The following TANC2 variants were observed in gnomAD, a reference collection of about 807,000 sequenced individuals.
TANC2 encodes tetratricopeptide repeat, ankyrin repeat and coiled-coil containing 2.
A neutral mutation model predicts 210.5 loss-of-function variants in TANC2; 26 were observed. That is an observed-to-expected ratio of 0.12 (90% CI 0.09 to 0.17). TANC2 has a LOEUF of 0.17. Among genes scored for constraint, TANC2 ranks in the 10% least tolerant of loss-of-function variants. The pLI is 1.00. For synonymous variants in TANC2, 931 were observed against 967.1 expected (o/e 0.96, Z 0.69); for missense variants, 2,129 against 2,608.9 (o/e 0.82, Z 4.01).
intron 7 of TANC2, among the ~76,000 whole-genome samples, chr17:63,216,692 T>C (rs2042035933): frequency 6.6e-6 from 1 of 152,158 alleles, no homozygotes; most frequent in Admixed American, 6.5e-5. Flanking sequence ...AATTGGCAAA[T>C]TGATTGTTGG....
chr17:62,982,864 G>A (rs1333516087), intron 1 of TANC2, among the ~76,000 whole-genome samples: 1 of 152,178 alleles, frequency 6.6e-6, no homozygotes, highest in African/African-American at 2.4e-5. Context: ...GGTTATTACA[G>A]CTTTGTAGTA....
At chr17:63,204,764 T>TA (rs2041645818) in intron 7 of TANC2, among the ~76,000 whole-genome samples, 1 of 152,090 alleles carries the variant, frequency 6.6e-6, no homozygotes, top group Non-Finnish European at 1.5e-5. Flanking sequence ...ATTACAAAGC[T>TA]ACAGTAATCA....
chr17:63,070,480 T>C (rs554743354), intron 2 of TANC2, among the ~76,000 whole-genome samples: 22 of 152,200 alleles, frequency 1.4e-4, no homozygotes, highest in Non-Finnish European at 2.5e-4. Flanking sequence ...CAGAGCCGCC[T>C]TCTCATCCTT....
chr17:63,398,466 AAAAG>A (rs1182921277), intron 18 of TANC2, among the ~76,000 whole-genome samples: 20 of 152,038 alleles, frequency 1.3e-4, no homozygotes, highest in South Asian at 2.1e-4. Context: ...AAAAAAAAAA[AAAAG>A]AAAGAAAAAC....
At chr17:63,112,918 A>G (rs1339340743) in intron 4 of TANC2, among the ~76,000 whole-genome samples, 1 of 152,190 alleles carries the variant, frequency 6.6e-6, no homozygotes, top group Non-Finnish European at 1.5e-5. Context: ...GACCTTCCCC[A>G]GAAAACTCAC....
chr17:63,361,749 T>C (rs2046964409), intron 14 of TANC2, among the ~76,000 whole-genome samples: 1 of 152,242 alleles, frequency 6.6e-6, no homozygotes, highest in South Asian at 2.1e-4. Context: ...CAGCAGGTCC[T>C]GAGGTCTTGT....
At position 63,372,494 on chromosome 17, in the gene TANC2, A is replaced by G. The variant is rs865856235; in HGVS notation, c.2583-7224A>G. On this transcript the variant is annotated intron_variant, in intron 14 of 27. Coordinates refer to ENST00000689528, the Ensembl canonical transcript of TANC2. The stretch of plus-strand genomic sequence containing the variant: ...TATATGTTTAAAGTCATTTGTGGTT[A>G]CTGGTCATTCCTTTAGTTTAGCGTT... 3.3e-4 allele frequency among the ~76,000 whole-genome samples: 50 copies of G among 152,324 alleles called. 1 individual carries two copies. The highest frequency in any genetic ancestry group is 6.8e-3 in the Middle Eastern group (2 of 294).
intron 10 of TANC2, among the ~76,000 whole-genome samples, chr17:63,316,419 A>G (rs1388044402): frequency 6.6e-6 from 1 of 152,196 alleles, no homozygotes; most frequent in Non-Finnish European, 1.5e-5. Flanking sequence ...AAGCAGAGGT[A>G]CCTGGGGATC....
chr17:63,185,250 C>A lies in TANC2; in HGVS notation c.434-8741C>A, dbSNP rs137975124. Among the ~76,000 whole-genome samples the A allele has an allele frequency of 8.6e-4, 131 of 152,164 alleles. 1 individual carries two copies. In the East Asian group the frequency reaches 9.7e-3, roughly 11 times the overall value. Reference sequence around the variant, plus strand: ...GGACTACAAGCATGTACCACCACACCCGGCTAGTTTTTGTATTTTTTTGGT... The same window carrying A: ...GGACTACAAGCATGTACCACCACACACGGCTAGTTTTTGTATTTTTTTGGT... On this transcript the variant is annotated intron_variant, in intron 5 of 27. Coordinates refer to ENST00000689528, the Ensembl canonical transcript of TANC2.
rs565009947 is a variant in TANC2, at chr17:63,173,271, A to G, written c.434-20720A>G. 8.5e-5 allele frequency among the ~76,000 whole-genome samples: 13 copies of G among 152,326 alleles called. No homozygotes were observed. The South Asian group carries it at 2.5e-3, about 29-fold the overall frequency. ...CTGAGTGTGTAGACAGACAGTGACCATATATAAAAATAGAACTCTGTCCTC... is the reference window on the plus strand; with the variant it reads ...CTGAGTGTGTAGACAGACAGTGACCGTATATAAAAATAGAACTCTGTCCTC... On this transcript the variant is annotated intron_variant, in intron 5 of 27. Transcript: ENST00000689528.
chr17:63,285,715 C>T (rs2044199829), intron 9 of TANC2, among the ~76,000 whole-genome samples: 1 of 152,138 alleles, frequency 6.6e-6, no homozygotes, highest in Non-Finnish European at 1.5e-5. Context: ...TTAGTTGTGA[C>T]AACATGTGTG....
intron 4 of TANC2, among the ~76,000 whole-genome samples, chr17:63,119,387 T>A (rs1309283388): frequency 1.3e-5 from 2 of 152,240 alleles, no homozygotes; most frequent in Non-Finnish European, 1.5e-5. Context: ...TGCCTATCTG[T>A]TTATACAAGT....
At chr17:62,996,648 C>G (rs964121155) in intron 1 of TANC2, among the ~76,000 whole-genome samples, 1 of 152,036 alleles carries the variant, frequency 6.6e-6, no homozygotes, top group African/African-American at 2.4e-5. Flanking sequence ...AACACTATTG[C>G]ATTTGTCATT....
intron 2 of TANC2, among the ~76,000 whole-genome samples, chr17:63,049,053 A>G (rs934633593): frequency 1.3e-5 from 2 of 152,200 alleles, no homozygotes; most frequent in South Asian, 2.1e-4. Flanking sequence ...TAATGGTATT[A>G]TAATCAAGCA....
chr17:63,211,902 T>C (rs149299746), intron 7 of TANC2, among the ~76,000 whole-genome samples: 3 of 152,318 alleles, frequency 2.0e-5, no homozygotes, highest in Non-Finnish European at 2.9e-5. Flanking sequence ...TATTATACTT[T>C]AAGTTCTAGG....
chr17:63,214,212 A>G (rs1345865544), intron 7 of TANC2, among the ~76,000 whole-genome samples: 1 of 152,228 alleles, frequency 6.6e-6, no homozygotes, highest in Non-Finnish European at 1.5e-5. Context: ...GTGACAATAG[A>G]GAAGTCCAGG....
intron 8 of TANC2, among the ~76,000 whole-genome samples, chr17:63,238,317 A>G (rs1237899961): frequency 6.6e-6 from 1 of 152,242 alleles, no homozygotes; most frequent in Non-Finnish European, 1.5e-5. Flanking sequence ...AAAAACACAT[A>G]GAAATTCAGA....
chr17:62,982,107 G>A (rs948152327), intron 1 of TANC2, among the ~76,000 whole-genome samples: 1 of 152,132 alleles, frequency 6.6e-6, no homozygotes, highest in African/African-American at 2.4e-5. Context: ...AGTCTCCTAT[G>A]GGTCAAAATC....
chr17:63,394,748 T>A (rs1319121710), intron 17 of TANC2, among the ~76,000 whole-genome samples: 1 of 152,266 alleles, frequency 6.6e-6, no homozygotes, highest in Non-Finnish European at 1.5e-5. Flanking sequence ...TTCCTTCCTC[T>A]GAAATGTTAT....
Sources: gnomAD v4.1 joint callset for allele counts (sites outside exome capture counted in the v4.1 genomes callset) on GRCh38, gnomAD v4.1.1 for gene constraint, MANE v1.5 for transcripts, NCBI Gene and HGNC (gene_info 2026-07-23, HGNC 2026-07-21) for gene names.